The following EPHA5 variants were observed in gnomAD, a reference collection of about 807,000 sequenced individuals.
EPHA5 encodes the protein EPH receptor A5.
EPHA5 carries 60 observed loss-of-function variants against 105.0 expected under a neutral mutation model. The observed-to-expected ratio is 0.57, with a 90% CI of 0.46 to 0.71. The LOEUF (loss-of-function observed/expected upper bound fraction) is 0.71. Among genes scored for constraint, EPHA5 ranks in the 30% least tolerant of loss-of-function variants. EPHA5 has a pLI of 0.00. For missense variants in EPHA5, 1,218 were observed against 1,274.7 expected (o/e 0.96, Z 0.68); for synonymous variants, 513 against 449.1 (o/e 1.14, Z -1.80).
rs557506925 is a variant in EPHA5, at chr4:65,509,986, C to T, written c.911-14443G>A. Reference sequence around the variant, plus strand: ...TTACAAATGTTCTAACCATTGTGGACGACATTTCAAGTCTATTCTATGCAA... The same window carrying T: ...TTACAAATGTTCTAACCATTGTGGATGACATTTCAAGTCTATTCTATGCAA... On this transcript the variant is annotated intron_variant, in intron 3 of 16. Transcript: ENST00000613740. 8.6e-5 allele frequency among the ~76,000 whole-genome samples: 13 copies of T among 150,774 alleles called. No individual in the cohort carries two copies. In the South Asian group the frequency reaches 1.7e-3, roughly 19 times the overall value.
In EPHA5 at chr4:65,401,733, A is replaced by T. The variant is rs369821714; in HGVS notation, c.1793+2641T>A. 1.8e-4 allele frequency among the ~76,000 whole-genome samples: 28 copies of T among 152,284 alleles called. 1 individual carries two copies. The East Asian group carries it at 2.7e-3, about 15-fold the overall frequency. On this transcript the variant is annotated intron_variant, in intron 8 of 16. Coordinates refer to ENST00000613740, the MANE Select transcript of EPHA5 (RefSeq NM_001281766.3). ...TGTTTTTAAAAGTAATTACACTTTC[A>T]TTAGACAAAATGTTCAAAAATTTTT...
At position 65,335,848 on chromosome 4, in the gene EPHA5, G is replaced by A. The variant is rs1258643133; in HGVS notation, c.2789+84C>T. 19 of 1,373,496 alleles carry A rather than the reference G, an allele frequency of 1.4e-5. No homozygotes were observed. In the East Asian group the frequency reaches 1.7e-4, roughly 12 times the overall value. The allele number at this position is 1,373,496 out of a possible 1,614,324, so 85.1% of individuals were successfully genotyped here. The stretch of plus-strand genomic sequence containing the variant: ...TAGATTCACAGATTAATGTCTATAC[G>A]AGAATGATTTAATTGATAAAATATT... On this transcript the variant is annotated intron_variant, in intron 15 of 16. Transcript: ENST00000613740.
At chr4:65,658,246 G>T (rs940808919) in intron 1 of EPHA5, among the ~76,000 whole-genome samples, 2 of 152,080 alleles carry the variant, frequency 1.3e-5, no homozygotes, top group Non-Finnish European at 2.9e-5. Context: ...ATTGCACTAA[G>T]AGCAGTTCTT....
At chr4:65,661,946 C>A (rs1331150192) in intron 1 of EPHA5, among the ~76,000 whole-genome samples, 1 of 152,148 alleles carries the variant, frequency 6.6e-6, no homozygotes, top group Admixed American at 6.5e-5. Context: ...ACAATCTATT[C>A]TGCAGGCAGA....
intron 16 of EPHA5, among the ~76,000 whole-genome samples, chr4:65,325,379 T>G (rs1380509403): frequency 3.3e-5 from 5 of 151,386 alleles, no homozygotes; most frequent in Admixed American, 6.6e-5. Context: ...GGAAATATTT[T>G]TTTCCAAAAT....
chr4:65,336,110 C>G lies in EPHA5; in HGVS notation c.2611G>C (p.Glu871Gln), dbSNP rs779738574. The stretch of plus-strand genomic sequence containing the variant: ...GGGCTTGGCAGACGATAGCCTTCCT[C>G]TACCGCTTTAATCACCTGTATAAAG... ...MTNQDVIKAV[E>Q]EGYRLPSPMD... The change falls in exon 15 of 17, where the codon GAG (glutamate) becomes CAG (glutamine). Residue 871 changes from glutamate (E) to glutamine (Q), a missense_variant. Physicochemically the swap from Glu to Gln is conservative, Grantham distance 29 (BLOSUM62 2). This residue lies in a region of EPHA5 where 971 missense variants were observed against 1,013.5 expected (regional missense o/e 0.96). Coordinates refer to ENST00000613740, the MANE Select transcript of EPHA5 (RefSeq NM_001281766.3). 6.2e-7 allele frequency: 1 copy of G among 1,610,918 alleles called. No individual in the cohort carries two copies. The highest frequency in any genetic ancestry group is 1.7e-5 in the Admixed American group (1 of 59,626).
At chr4:65,627,930 A>G (rs1578624914) in intron 2 of EPHA5, among the ~76,000 whole-genome samples, 2 of 152,270 alleles carry the variant, frequency 1.3e-5, no homozygotes, top group Admixed American at 1.3e-4. Flanking sequence ...ATTAAAAATA[A>G]TCTTTTTATT....
intron 3 of EPHA5, among the ~76,000 whole-genome samples, chr4:65,576,000 G>GAGAGAGAAAGAA (rs1553943368): frequency 3.4e-5 from 1 of 29,724 alleles, no homozygotes; most frequent in Non-Finnish European, 6.6e-5. Context: ...GAGAGAGAGA[G>GAGAGAGAAAGAA]AGAAAGAAAG....
At chr4:65,420,640 T>C in intron 5 of EPHA5, 75 bp from the exon 6 acceptor site, 2 of 1,379,794 alleles carry the variant, frequency 1.4e-6, no homozygotes, top group Non-Finnish European at 2.0e-6. Flanking sequence ...TTATTACGTA[T>C]ATTGGCATTT....
intron 3 of EPHA5, among the ~76,000 whole-genome samples, chr4:65,555,147 T>C (rs1738299968): frequency 6.6e-6 from 1 of 152,008 alleles, no homozygotes; most frequent in African/African-American, 2.4e-5. Context: ...CATTCTAAAA[T>C]GCTGAACATG....
At position 65,321,501 on chromosome 4, in the gene EPHA5, G is replaced by C. The variant is rs865980323; in HGVS notation, c.*2613C>G. The C allele has an allele frequency of 8.7e-6, 2 of 228,988 alleles. No homozygotes were observed. Among genetic ancestry groups the C allele is most frequent in the South Asian group, 1.8e-4 (1 of 5,498 alleles). 14.2% of individuals were successfully genotyped at this position (228,988 alleles called of 1,614,324 possible). A position where few individuals can be genotyped will look rare whatever the true frequency, so the allele number is the denominator to read the frequency against. On this transcript the variant is annotated 3_prime_UTR_variant, in exon 17 of 17. Coordinates refer to ENST00000613740, the MANE Select transcript of EPHA5 (RefSeq NM_001281766.3). ...CATTCTTTCCTCTTTTTTAGGGAGAGTACTTGTTGTTTGACAGTCTCTTTA... is the reference window on the plus strand; with the variant it reads ...CATTCTTTCCTCTTTTTTAGGGAGACTACTTGTTGTTTGACAGTCTCTTTA...
At chr4:65,465,989 C>G (rs1188993094) in intron 5 of EPHA5, among the ~76,000 whole-genome samples, 8 of 152,256 alleles carry the variant, frequency 5.3e-5, no homozygotes, top group Non-Finnish European at 1.5e-5. Context: ...CTCACACTTT[C>G]AAGGACAAAC....
intron 3 of EPHA5, among the ~76,000 whole-genome samples, chr4:65,572,378 C>A (rs73824318): frequency 0.015 from 2,234 of 152,260 alleles, 54 homozygotes; most frequent in African/African-American, 0.051. Context: ...CTCTCCAACG[C>A]AGGCATGCTA....
intron 3 of EPHA5, chr4:65,573,772 G>A (rs11546775): frequency 3.7e-6 from 6 of 1,612,472 alleles, no homozygotes; most frequent in East Asian, 2.2e-5. Context: ...GGCGGTACCC[G>A]GGTGGTTAAA....
At chr4:65,621,992 G>A (rs923899181) in intron 2 of EPHA5, among the ~76,000 whole-genome samples, 3 of 152,090 alleles carry the variant, frequency 2.0e-5, no homozygotes, top group East Asian at 3.9e-4. Context: ...ATTAATCTGA[G>A]TACATTTTCA....
intron 1 of EPHA5, among the ~76,000 whole-genome samples, chr4:65,668,792 C>T (rs779704164): frequency 6.0e-4 from 91 of 152,190 alleles, no homozygotes; most frequent in Non-Finnish European, 5.4e-4. Context: ...TCTTTTCCGT[C>T]TTTAAGACAT....
At chr4:65,331,766 G>T (rs1720640574) in intron 16 of EPHA5, 1 of 1,237,568 alleles carries the variant, frequency 8.1e-7, no homozygotes, top group Non-Finnish European at 1.0e-6. Flanking sequence ...AATGTTATTT[G>T]TTTGAAGCAA....
chr4:65,500,315 C>G (rs1732354099), intron 3 of EPHA5, among the ~76,000 whole-genome samples: 1 of 151,128 alleles, frequency 6.6e-6, no homozygotes, highest in Admixed American at 6.6e-5. Flanking sequence ...TTTCATGAGA[C>G]TATTGTGACA....
chr4:65,360,417 G>GTT (rs1432412823), intron 11 of EPHA5, among the ~76,000 whole-genome samples: 2 of 151,664 alleles, frequency 1.3e-5, no homozygotes, highest in Non-Finnish European at 3.0e-5. Flanking sequence ...TATATTCACT[G>GTT]TTTAAGAGTT....
Sources: allele counts gnomAD v4.1 joint callset (sites outside exome capture counted in the v4.1 genomes callset), GRCh38; gene constraint gnomAD v4.1.1; regional missense constraint gnomAD v4.1.1; transcripts MANE v1.5; gene names NCBI Gene and HGNC (gene_info 2026-07-23, HGNC 2026-07-21).